Variants in FANCA observed in about 807,000 individuals in gnomAD.
FANCA encodes the protein FA complementation group A.
FANCA carries 236 observed loss-of-function variants against 194.3 expected under a neutral mutation model. The ratio of observed to expected loss-of-function variants is 1.21; its 90% confidence interval spans 1.09 to 1.35. The LOEUF (loss-of-function observed/expected upper bound fraction) is 1.35. Among genes scored for constraint, FANCA ranks in the 40% most tolerant of loss-of-function variants. The pLI is 0.00. For missense variants in FANCA, 2,628 were observed against 1,813.9 expected (o/e 1.45, Z -8.15); for synonymous variants, 1,014 against 715.8 (o/e 1.42, Z -6.65).
At chr16:89,777,456 T>A (rs1220698324) in intron 20 of FANCA, among the ~76,000 whole-genome samples, 1 of 152,102 alleles carries the variant, frequency 6.6e-6, no homozygotes, top group Non-Finnish European at 1.5e-5. Flanking sequence ...CAGAGCATGG[T>A]GGCTCACGCT....
chr16:89,754,977 C>T (rs1405539360), intron 30 of FANCA, among the ~76,000 whole-genome samples: 3 of 152,158 alleles, frequency 2.0e-5, no homozygotes, highest in Non-Finnish European at 4.4e-5. Flanking sequence ...AGGCCTCACA[C>T]TTCCCAATTT....
intron 23 of FANCA, among the ~76,000 whole-genome samples, chr16:89,771,155 C>CAAAAAAAAAAAAAAAAAA (rs34471552): frequency 1.8e-5 from 1 of 56,648 alleles, no homozygotes; most frequent in African/African-American, 7.3e-5. Context: ...AAGACTCAGT[C>CAAAAAAAAAAAAAAAAAA]AAAAAAAAAA....
chr16:89,744,455 C>A (rs2062199949), intron 36 of FANCA, among the ~76,000 whole-genome samples: 1 of 152,114 alleles, frequency 6.6e-6, no homozygotes, highest in African/African-American at 2.4e-5. Flanking sequence ...CCGTGAATAT[C>A]TGACTGGGGT....
chr16:89,799,172 C>G lies in FANCA; in HGVS notation c.887G>C (p.Arg296Thr), dbSNP rs878853667. The change falls in exon 10 of 43, where the codon AGG (arginine) becomes ACG (threonine). Residue 296 changes from arginine to threonine, a missense_variant. Arg to Thr is a moderately conservative substitution (Grantham distance 71). Coordinates refer to ENST00000389301, the MANE Select transcript of FANCA (RefSeq NM_000135.4). ...QEESSTHKIV[R>T]CWFGVFSGHT... ...GCCACCCTCAGGAACATACCAGCAC[C>G]TCACGATCTTGTGAGTGGAGGACTC... is the stretch of plus-strand genomic sequence containing the variant. 2.5e-6 allele frequency: 4 copies of G among 1,614,216 alleles called. No homozygotes were observed. The highest frequency in any genetic ancestry group is 2.5e-6 in the Non-Finnish European group (3 of 1,180,046).
intron 11 of FANCA, among the ~76,000 whole-genome samples, chr16:89,795,335 A>G (rs2040207575): frequency 6.6e-6 from 1 of 150,492 alleles, no homozygotes; most frequent in South Asian, 2.1e-4. Flanking sequence ...AAATAAAGAT[A>G]TTTCTATTTT....
intron 29 of FANCA, among the ~76,000 whole-genome samples, chr16:89,760,107 G>A (rs372018928): frequency 8.5e-5 from 13 of 152,190 alleles, no homozygotes; most frequent in South Asian, 4.1e-4. Context: ...AGAAAATCCC[G>A]CAACACATCT....
intron 14 of FANCA, among the ~76,000 whole-genome samples, chr16:89,786,070 G>C (rs929360696): frequency 1.3e-5 from 2 of 148,266 alleles, no homozygotes; most frequent in African/African-American, 2.5e-5. Flanking sequence ...CCAGGCTGGA[G>C]TGCAACGGTG....
At chr16:89,798,997 G>T (rs56032743) in intron 10 of FANCA, 169 bp downstream of exon 10, 1 of 1,614,104 alleles carries the variant, frequency 6.2e-7, no homozygotes, top group Non-Finnish European at 8.5e-7. Flanking sequence ...AGCGTTCCCC[G>T]GGCTTTCCCA....
chr16:89,793,898 C>T (rs947631205), intron 11 of FANCA, among the ~76,000 whole-genome samples: 1 of 152,066 alleles, frequency 6.6e-6, no homozygotes, highest in Non-Finnish European at 1.5e-5. Flanking sequence ...CTACAGGCGC[C>T]CACCACCACG....
intron 21 of FANCA, among the ~76,000 whole-genome samples, chr16:89,774,729 CA>C (rs780078944): frequency 6.4e-3 from 141 of 22,170 alleles, no homozygotes; most frequent in African/African-American, 0.02. Context: ...GACTCTGTCT[CA>C]AAAAAAAAAA....
In FANCA at chr16:89,758,665, G is replaced by A; in HGVS notation, c.2893C>T (p.Pro965Ser). The A allele has an allele frequency of 6.2e-7, 1 of 1,614,046 alleles. No individual in the cohort carries two copies. The highest frequency in any genetic ancestry group is 1.1e-5 in the South Asian group (1 of 91,084). Reference protein sequence around the residue: ...HQWAIHEHFLPESSASGGCDG... With the variant: ...HQWAIHEHFLSESSASGGCDG... ...CAGCCCCCTGAAGCCGAGGACTCAGGGAGAAAGTGCTCATGGATCGCCCAC... is the reference window on the plus strand; with the variant it reads ...CAGCCCCCTGAAGCCGAGGACTCAGAGAGAAAGTGCTCATGGATCGCCCAC... The change falls in exon 30 of 43, where the codon CCT (proline) becomes TCT (serine). Residue 965 changes from proline to serine, a missense_variant. Pro to Ser is a moderately conservative substitution (Grantham distance 74). Coordinates refer to ENST00000389301, the MANE Select transcript of FANCA (RefSeq NM_000135.4).
At chr16:89,811,837 T>C (rs905754143) in intron 3 of FANCA, among the ~76,000 whole-genome samples, 1 of 152,074 alleles carries the variant, frequency 6.6e-6, no homozygotes, top group African/African-American at 2.4e-5. Context: ...TTCAAGCGAT[T>C]CTCCTGCCTC....
At chr16:89,744,893 G>T in intron 36 of FANCA, 66 bp downstream of exon 36, 2 of 1,417,712 alleles carry the variant, frequency 1.4e-6, no homozygotes, top group Non-Finnish European at 2.0e-6. Context: ...GTGTTTAGGA[G>T]ATGACCTTGA....
Position 89,814,503 on chromosome 16 carries a change from A to T in FANCA, c.283+17T>A. ...CCTTCTGCAATTCAAAATAGAGAAA[A>T]TGAAGCTATAACTTACCTATAAATG... On this transcript the variant is annotated intron_variant, in intron 3 of 42. Coordinates refer to ENST00000389301, the MANE Select transcript of FANCA (RefSeq NM_000135.4). The T allele has an allele frequency of 6.5e-7, 1 of 1,548,772 alleles. No homozygotes were observed. Among genetic ancestry groups the T allele is most frequent in the South Asian group, 1.1e-5 (1 of 89,416 alleles).
rs200008791 is a variant in FANCA at position 89,791,920 on chromosome 16, A to G, written c.1225+7T>C. Reference sequence around the variant, plus strand: ...ACCAGCACCACCGGGCTCGCGTAAAAGCTCACCTTCAAGCAGCTGCTGCGC... The same window carrying G: ...ACCAGCACCACCGGGCTCGCGTAAAGGCTCACCTTCAAGCAGCTGCTGCGC... On this transcript the variant is annotated splice_region_variant and intron_variant, in intron 13 of 42. Transcript: ENST00000389301. 4 of 1,614,120 alleles carry G rather than the reference A, an allele frequency of 2.5e-6. No individual in the cohort carries two copies. The East Asian group carries it at 8.9e-5, about 36-fold the overall frequency.
At chr16:89,767,270 T>C (rs774544092) in intron 26 of FANCA, 33 bp from the exon 27 acceptor site, 3 of 1,465,966 alleles carry the variant, frequency 2.0e-6, no homozygotes, top group East Asian at 2.3e-5. Flanking sequence ...ATAAATGTAA[T>C]CCATACAAAA....
Position 89,739,974 on chromosome 16 carries a change from C to G in FANCA, c.3934+20G>C. 1 of 1,613,334 alleles carries G rather than the reference C, an allele frequency of 6.2e-7. No homozygotes were observed. Among genetic ancestry groups the G allele is most frequent in the South Asian group, 1.1e-5 (1 of 91,086 alleles). ...AAAGAGCGGCCCTCCGCATTTGTGCCTCAGCAGCGTGTTTCTTACCACTCT... is the reference window on the plus strand; with the variant it reads ...AAAGAGCGGCCCTCCGCATTTGTGCGTCAGCAGCGTGTTTCTTACCACTCT... On this transcript the variant is annotated intron_variant, in intron 39 of 42. Coordinates refer to ENST00000389301, the MANE Select transcript of FANCA (RefSeq NM_000135.4).
rs377416420 is a variant in FANCA at position 89,796,060 on chromosome 16, C to T, written c.894-42G>A. On this transcript the variant is annotated intron_variant, in intron 10 of 42. Coordinates refer to ENST00000389301, the MANE Select transcript of FANCA (RefSeq NM_000135.4). ...AAGAGGGGTCAGGAAAGGGAGGGTG[C>T]CTTGCACGCCACCCACCAATCCCAG... is the stretch of plus-strand genomic sequence containing the variant. The T allele has an allele frequency of 4.3e-5, 62 of 1,442,678 alleles. No homozygotes were observed. In the African/African-American group the frequency reaches 6.4e-4, roughly 15 times the overall value. The allele number at this position is 1,442,678 out of a possible 1,614,324, so 89.4% of individuals were successfully genotyped here.
In FANCA at chr16:89,782,911, A is replaced by G. The variant is rs752323052; in HGVS notation, c.1574T>C (p.Ile525Thr). The change falls in exon 17 of 43, where the codon ATA becomes ACA. Residue 525 changes from isoleucine to threonine, a missense_variant. By Grantham distance (89) the Ile-to-Thr change is moderately conservative (BLOSUM62 -1). Transcript: ENST00000389301. ...ATCCTCGTAGAGTCCCATGTTTTCT[A>G]TAGAAACCTTCAGGGAAGACACAGA... ...KTRLADLKVS[I>T]ENMGLYEDLS... 6 of 1,613,954 alleles carry G rather than the reference A, an allele frequency of 3.7e-6. No individual in the cohort carries two copies. In the African/African-American group the frequency reaches 8.0e-5, roughly 22 times the overall value.
Sources: gnomAD v4.1 joint callset for allele counts (sites outside exome capture counted in the v4.1 genomes callset) on GRCh38, gnomAD v4.1.1 for gene constraint, MANE v1.5 for transcripts, NCBI Gene and HGNC (gene_info 2026-07-23, HGNC 2026-07-21) for gene names.